The following VSTM2B variants were observed in gnomAD, a reference collection of about 807,000 sequenced individuals.
The protein encoded by VSTM2B is V-set and transmembrane domain containing 2B, also known as V-set and transmembrane domain-containing protein 2B.
Under a neutral mutation model 24.0 loss-of-function variants are expected in VSTM2B, and 24 were observed. That is an observed-to-expected ratio of 1.00 (90% confidence interval 0.72 to 1.40). VSTM2B has a LOEUF of 1.40. Ranked by LOEUF, VSTM2B falls within the 40% of genes most tolerant of loss-of-function variation. The probability of loss-of-function intolerance (pLI) is 0.00; values close to 1 mark genes in which losing one functional copy is unlikely to be tolerated. For missense variants in VSTM2B, 399 were observed against 416.4 expected (o/e 0.96, Z 0.36); for synonymous variants, 226 against 194.4 (o/e 1.16, Z -1.35).
chr19:29,529,346 G>A (rs915211034), intron 3 of VSTM2B, among the ~76,000 whole-genome samples: 1 of 152,124 alleles, frequency 6.6e-6, no homozygotes, highest in Non-Finnish European at 1.5e-5. Flanking sequence ...ATTCGGGCAG[G>A]CCCTCCGTGC....
At chr19:29,560,530 TC>T (rs1334241057) in intron 4 of VSTM2B, among the ~76,000 whole-genome samples, 1 of 152,040 alleles carries the variant, frequency 6.6e-6, no homozygotes, top group Non-Finnish European at 1.5e-5. Context: ...TGAAGTGTCA[TC>T]CAGGAGCCAA....
chr19:29,535,345 T>G (rs374115297), intron 4 of VSTM2B, among the ~76,000 whole-genome samples: 15 of 152,260 alleles, frequency 9.9e-5, no homozygotes, highest in African/African-American at 3.4e-4. Context: ...AGTTTGCAAC[T>G]GAATGGCTGG....
chr19:29,541,223 T>C (rs1970012005), intron 4 of VSTM2B, among the ~76,000 whole-genome samples: 1 of 152,202 alleles, frequency 6.6e-6, no homozygotes, highest in African/African-American at 2.4e-5. Context: ...GGCTAGGGCA[T>C]GATGCCTTCA....
intron 4 of VSTM2B, among the ~76,000 whole-genome samples, chr19:29,556,925 A>C (rs1280379918): frequency 6.6e-6 from 1 of 152,248 alleles, no homozygotes; most frequent in Admixed American, 6.5e-5. Context: ...CATGGATAGG[A>C]AGAATCAATG....
intron 4 of VSTM2B, among the ~76,000 whole-genome samples, chr19:29,548,006 G>A (rs566825314): frequency 4.6e-5 from 7 of 152,258 alleles, no homozygotes; most frequent in South Asian, 4.1e-4. Flanking sequence ...GTCCAGGTGC[G>A]TCTGAAGGAT....
At chr19:29,536,532 TA>T (rs1266785395) in intron 4 of VSTM2B, among the ~76,000 whole-genome samples, 1 of 152,232 alleles carries the variant, frequency 6.6e-6, no homozygotes, top group African/African-American at 2.4e-5. Context: ...TCTTGGATTA[TA>T]ATAATGATAA....
chr19:29,530,089 C>G lies in VSTM2B; in HGVS notation c.568C>G (p.Arg190Gly), dbSNP rs1188939132. Residue 190 changes from arginine (R) to glycine (G), a missense_variant, in exon 4 of 5, where the codon CGT (arginine) becomes GGT (glycine). Arg to Gly is a moderately radical substitution (Grantham distance 125, BLOSUM62 -2). Coordinates refer to ENST00000335523, the MANE Select transcript of VSTM2B (RefSeq NM_001146339.2). ...CGCCAACAACGCGGGCGCCGCGAGC[C>G]GTACCACCTCCGAGCCCGGCCGCGG... ...ANANNAGAAS[R>G]TTSEPGRGDK... 2.0e-6 allele frequency: 3 copies of G among 1,477,184 alleles called. No individual in the cohort carries two copies. Among genetic ancestry groups the G allele is most frequent in the Non-Finnish European group, 2.7e-6 (3 of 1,123,758 alleles). The allele number at this position is 1,477,184 out of a possible 1,614,324, so 91.5% of individuals were successfully genotyped here.
In VSTM2B at chr19:29,542,873, G is replaced by A. The variant is rs75699936; in HGVS notation, c.769+12583G>A. On this transcript the variant is annotated intron_variant, in intron 4 of 4. Coordinates refer to ENST00000335523, the MANE Select transcript of VSTM2B (RefSeq NM_001146339.2). ...ATGTCTTCCAGGAAGGAGGCCATAGGAAAAAAGTCTCCAAGTGGTGGTAGG... is the reference window on the plus strand; with the variant it reads ...ATGTCTTCCAGGAAGGAGGCCATAGAAAAAAAGTCTCCAAGTGGTGGTAGG... Among the ~76,000 whole-genome samples the A allele has an allele frequency of 4.1e-3, 624 of 152,224 alleles. 5 individuals carry two copies. Among genetic ancestry groups the A allele is most frequent in the African/African-American group, 0.015 (607 of 41,512 alleles).
intron 4 of VSTM2B, among the ~76,000 whole-genome samples, chr19:29,534,727 AAAG>A (rs774276135): frequency 8.1e-5 from 7 of 86,462 alleles, no homozygotes; most frequent in African/African-American, 1.0e-4. Context: ...AAAAAAAAAA[AAAG>A]AAAGAAAGAA....
Position 29,530,025 on chromosome 19 carries a change from C to T in VSTM2B, c.504C>T (p.Ser168=). 2.0e-6 allele frequency: 3 copies of T among 1,531,480 alleles called. No individual in the cohort carries two copies. Among genetic ancestry groups the T allele is most frequent in the South Asian group, 1.2e-5 (1 of 83,002 alleles). 94.9% of individuals were successfully genotyped at this position (1,531,480 alleles called of 1,614,324 possible). The change falls in exon 4 of 5, where the codon AGC becomes AGT. Residue 168 remains serine, a synonymous_variant. Transcript: ENST00000335523. ...CCGAGGCCGTGTCCCACATCCAGAGCAGCGGCCCGCGTCGCCACGGCCCAG... is the reference window on the plus strand; with the variant it reads ...CCGAGGCCGTGTCCCACATCCAGAGTAGCGGCCCGCGTCGCCACGGCCCAG... The part of the protein sequence containing the change: ...QAAEAVSHIQ[S]SGPRRHGPAS...
rs1481166678 is a variant in VSTM2B, at chr19:29,526,502, C to T, written c.-82C>T. 3.4e-6 allele frequency: 4 copies of T among 1,176,048 alleles called. No homozygotes were observed. The highest frequency in any genetic ancestry group is 6.1e-5 in the Admixed American group (2 of 32,538). The allele number at this position is 1,176,048 out of a possible 1,614,324, so 72.9% of individuals were successfully genotyped here. A position where few individuals can be genotyped will look rare whatever the true frequency, so the allele number is the denominator to read the frequency against. Reference sequence around the variant, plus strand: ...ATGGCAGGCTCGGAGGCGTCCTAGCCCGAGCCGGAGCCGATCCGAGCCCAC... The same window carrying T: ...ATGGCAGGCTCGGAGGCGTCCTAGCTCGAGCCGGAGCCGATCCGAGCCCAC... On this transcript the variant is annotated 5_prime_UTR_variant, in exon 1 of 5. Coordinates refer to ENST00000335523, the MANE Select transcript of VSTM2B (RefSeq NM_001146339.2). The surrounding 1 kb of genome is among the most constrained non-coding windows in gnomAD (Gnocchi z 4.1).
At chr19:29,530,562 C>G (rs937015875) in intron 4 of VSTM2B, among the ~76,000 whole-genome samples, 1 of 152,086 alleles carries the variant, frequency 6.6e-6, no homozygotes, top group Non-Finnish European at 1.5e-5. Flanking sequence ...ACGCTGGAGG[C>G]TGTAGTGTGG....
chr19:29,551,863 AC>A, intron 4 of VSTM2B, among the ~76,000 whole-genome samples: 1 of 152,096 alleles, frequency 6.6e-6, no homozygotes, highest in Non-Finnish European at 1.5e-5. Flanking sequence ...TCAGCACACA[AC>A]CCCCAGGAAC....
At chr19:29,559,645 T>C (rs991305316) in intron 4 of VSTM2B, among the ~76,000 whole-genome samples, 2 of 152,196 alleles carry the variant, frequency 1.3e-5, no homozygotes, top group African/African-American at 4.8e-5. Flanking sequence ...GTTGAAGAGA[T>C]AGTTTGCCTT....
chr19:29,540,555 C>T (rs956986954), intron 4 of VSTM2B, among the ~76,000 whole-genome samples: 3 of 152,234 alleles, frequency 2.0e-5, no homozygotes, highest in Non-Finnish European at 2.9e-5. Flanking sequence ...TGGCTGAGTG[C>T]CCCATCCAGA....
chr19:29,563,647 G>C (rs921732212), intron 4 of VSTM2B, among the ~76,000 whole-genome samples, 199 bp from the exon 5 acceptor site: 1 of 152,178 alleles, frequency 6.6e-6, no homozygotes, highest in Admixed American at 6.5e-5. Context: ...ATCCTAAAGT[G>C]TATGGTCTGT....
intron 4 of VSTM2B, among the ~76,000 whole-genome samples, chr19:29,561,641 T>G (rs1035106905): frequency 6.6e-6 from 1 of 152,110 alleles, no homozygotes; most frequent in Non-Finnish European, 1.5e-5. Flanking sequence ...ATTAATTAAA[T>G]TAATCAGAGC....
chr19:29,563,715 A>G, intron 4 of VSTM2B, 131 bp from the exon 5 acceptor site: 2 of 718,300 alleles, frequency 2.8e-6, no homozygotes, highest in Non-Finnish European at 4.7e-6. Context: ...GCCACTATGC[A>G]CCAGCCTCCA....
Position 29,530,205 on chromosome 19 carries a change from C to A in VSTM2B, c.684C>A (p.Thr228=). ...AAAASAAHTP[T]TTVAAAAAAS... ...CAGCCTCGGCGGCCCACACGCCCACCACCACAGTCGCGGCAGCTGCTGCTG... is the reference window on the plus strand; with the variant it reads ...CAGCCTCGGCGGCCCACACGCCCACAACCACAGTCGCGGCAGCTGCTGCTG... Residue 228 remains threonine, a synonymous_variant, in exon 4 of 5, where the codon ACC becomes ACA. Transcript: ENST00000335523. 1 of 1,502,172 alleles carries A rather than the reference C, an allele frequency of 6.7e-7. No individual in the cohort carries two copies. Among genetic ancestry groups the A allele is most frequent in the Non-Finnish European group, 8.8e-7 (1 of 1,132,684 alleles). 93.1% of individuals were successfully genotyped at this position (1,502,172 alleles called of 1,614,324 possible).
Sources: allele counts gnomAD v4.1 joint callset (sites outside exome capture counted in the v4.1 genomes callset), GRCh38; gene constraint gnomAD v4.1.1; non-coding constraint Gnocchi (gnomAD v3.1); transcripts MANE v1.5; gene names NCBI Gene and HGNC (gene_info 2026-07-23, HGNC 2026-07-21).